Variants in KDM5B observed in about 807,000 individuals in gnomAD.
KDM5B encodes the protein lysine demethylase 5B.
In KDM5B, 144 loss-of-function variants were observed where a neutral mutation model predicts 193.4. That is an observed-to-expected ratio of 0.74 (90% CI 0.65 to 0.86). The LOEUF (loss-of-function observed/expected upper bound fraction) is 0.86. Among genes scored for constraint, KDM5B ranks in the 40% least tolerant of loss-of-function variants. KDM5B has a pLI of 0.00. For synonymous variants in KDM5B, 668 were observed against 682.6 expected (o/e 0.98, Z 0.33); for missense variants, 1,833 against 1,886.9 (o/e 0.97, Z 0.53).
At chr1:202,766,612 A>T (rs938024382) in intron 5 of KDM5B, 8 of 453,078 alleles carry the variant, frequency 1.8e-5, no homozygotes, top group Non-Finnish European at 2.8e-5. Context: ...TCTCCATTAA[A>T]CAACGCCAAT....
chr1:202,774,759 T>G, intron 2 of KDM5B, 24 bp from the exon 3 acceptor site: 1 of 1,608,614 alleles, frequency 6.2e-7, no homozygotes, highest in East Asian at 2.2e-5. Flanking sequence ...AATTGAGTTT[T>G]CATCTCATTT....
chr1:202,750,533 C>G (rs537980379), intron 13 of KDM5B, 126 bp downstream of exon 13: 1 of 972,952 alleles, frequency 1.0e-6, no homozygotes, highest in East Asian at 2.7e-5. Flanking sequence ...CCTTGGCTTC[C>G]GAAAGCGCTG....
At chr1:202,736,943 G>A (rs918378107) in intron 20 of KDM5B, among the ~76,000 whole-genome samples, 1 of 152,176 alleles carries the variant, frequency 6.6e-6, no homozygotes, top group Non-Finnish European at 1.5e-5. Flanking sequence ...TGGGCCTAGA[G>A]AACCTAGTTT....
Position 202,735,491 on chromosome 1 carries a change from T to C in KDM5B, c.3361A>G (p.Lys1121Glu). The change falls in exon 22 of 27, where the codon AAA becomes GAA. Residue 1121 changes from lysine to glutamate, a missense_variant. Transcript: ENST00000367265. Reference protein sequence around the residue: ...PLPNGKKKSTKLESLSDLERA... With the variant: ...PLPNGKKKSTELESLSDLERA... ...TCCAGGTCACTCAGACTCTCTAATT[T>C]GGTGCTTTTTTTCTTTCCATTTGGC... 1 of 1,614,176 alleles carries C rather than the reference T, an allele frequency of 6.2e-7. No individual in the cohort carries two copies. The highest frequency in any genetic ancestry group is 8.5e-7 in the Non-Finnish European group (1 of 1,180,012).
chr1:202,755,533 C>T (rs1229507835), intron 10 of KDM5B, 81 bp from the exon 11 acceptor site: 2 of 1,099,342 alleles, frequency 1.8e-6, no homozygotes, highest in Non-Finnish European at 2.6e-6. Context: ...AAATATTATC[C>T]TTCAAAATAA....
rs746047167 is a variant in KDM5B, at chr1:202,733,607, G to A, written c.3703C>T (p.Leu1235=). 8 of 1,614,054 alleles carry A rather than the reference G, an allele frequency of 5.0e-6. No homozygotes were observed. The African/African-American group carries it at 9.3e-5, about 19-fold the overall frequency. The change falls in exon 23 of 27, where the codon CTG becomes TTG. Residue 1235 remains leucine (L), a synonymous_variant. Coordinates refer to ENST00000367265, the MANE Select transcript of KDM5B (RefSeq NM_006618.5). The stretch of plus-strand genomic sequence containing the variant: ...CGGATACGCTGAAGGGAGGCGAGCA[G>A]GGGCAGAATTTTCTCTAATGGAGGT... The part of the protein sequence containing the change: ...EKPPLEKILP[L]LASLQRIRVR...
intron 20 of KDM5B, among the ~76,000 whole-genome samples, chr1:202,738,829 A>C (rs549763125): frequency 2.3e-4 from 35 of 152,364 alleles, no homozygotes; most frequent in African/African-American, 8.2e-4. Context: ...ATATTAAAGA[A>C]TGAATTCTTT....
At position 202,756,524 on chromosome 1, in the gene KDM5B, TACAAGGAATAGAAAAAATGAGTTTCCTC is replaced by T. The variant is rs1656018589; in HGVS notation, c.1198-36_1198-9del. 6.4e-7 allele frequency: 1 copy of T among 1,566,832 alleles called. No individual in the cohort carries two copies. Among genetic ancestry groups the T allele is most frequent in the Admixed American group, 1.9e-5 (1 of 51,364 alleles). On this transcript the variant is annotated splice_polypyrimidine_tract_variant and intron_variant, in intron 9 of 26. Transcript: ENST00000367265. ...AAGCTCTGTGGGGACCATCTGGAAA[TACAAGGAATAGAAAAAATGAGTTTCCTC>T]ACAAACTGTCTGTGACCAATTAAGC... is the stretch of plus-strand genomic sequence containing the variant.
At chr1:202,762,874 C>T in intron 6 of KDM5B, 66 bp from the exon 7 acceptor site, 1 of 819,512 alleles carries the variant, frequency 1.2e-6, no homozygotes, top group South Asian at 1.4e-5. Flanking sequence ...CATCTCCCTC[C>T]CAAAGCACAT....
At chr1:202,755,483 G>T in intron 10 of KDM5B, 31 bp from the exon 11 acceptor site, 4 of 1,541,776 alleles carry the variant, frequency 2.6e-6, no homozygotes, top group Non-Finnish European at 3.6e-6. Flanking sequence ...GAGGATAAAG[G>T]TTTAGCTATA....
intron 5 of KDM5B, 106 bp downstream of exon 5, chr1:202,766,820 G>T: frequency 1.6e-6 from 2 of 1,254,792 alleles, no homozygotes; most frequent in Non-Finnish European, 2.2e-6. Flanking sequence ...AGATTAACAA[G>T]GTTCAAAACT....
intron 1 of KDM5B, among the ~76,000 whole-genome samples, chr1:202,780,902 T>C (rs1464784137): frequency 6.6e-6 from 1 of 152,126 alleles, no homozygotes; most frequent in African/African-American, 2.4e-5. Flanking sequence ...AATAACATTG[T>C]GTTGAATTTT....
chr1:202,727,332 A>G lies in KDM5B; in HGVS notation c.*1704T>C, dbSNP rs1654709582. 1.3e-5 allele frequency: 2 copies of G among 152,358 alleles called. No homozygotes were observed. The highest frequency in any genetic ancestry group is 1.3e-4 in the Admixed American group (2 of 15,286). 9.4% of individuals were successfully genotyped at this position (152,358 alleles called of 1,614,324 possible). On this transcript the variant is annotated 3_prime_UTR_variant, in exon 27 of 27. Coordinates refer to ENST00000367265, the MANE Select transcript of KDM5B (RefSeq NM_006618.5). ...TGTACTCTGGAGACTATTCTTCTCT[A>G]TTGGCCCCAGAACCACCATCAGACG...
chr1:202,761,762 C>T (rs957789229), intron 7 of KDM5B, among the ~76,000 whole-genome samples: 2 of 152,176 alleles, frequency 1.3e-5, no homozygotes, highest in African/African-American at 4.8e-5. Flanking sequence ...TCAAATTTCC[C>T]AGCCTATACA....
chr1:202,769,697 TTA>T (rs1656632275), intron 4 of KDM5B, among the ~76,000 whole-genome samples: 1 of 118,892 alleles, frequency 8.4e-6, no homozygotes, highest in Non-Finnish European at 1.8e-5. Flanking sequence ...AAAAAAAAAA[TTA>T]TGAGACAAAT....
intron 22 of KDM5B, among the ~76,000 whole-genome samples, chr1:202,734,409 G>A (rs1655021585): frequency 6.6e-6 from 1 of 151,316 alleles, no homozygotes; most frequent in Non-Finnish European, 1.5e-5. Flanking sequence ...AATATGTGTG[G>A]GTTATATGAT....
chr1:202,753,009 C>T lies in KDM5B; in HGVS notation c.1597G>A (p.Val533Ile). Residue 533 changes from valine to isoleucine, a missense_variant, in exon 12 of 27, where the codon GTA becomes ATA. Physicochemically the swap from Val to Ile is conservative, Grantham distance 29. Transcript: ENST00000367265. ...AGTTCTGGAGCTAGTTTCTTCATTA[C>T]ATTTTCTAGCTGCTCAGCAGCATAC... Reference protein sequence around the residue: ...PGYAAEQLENVMKKLAPELFV... With the variant: ...PGYAAEQLENIMKKLAPELFV... The T allele has an allele frequency of 6.2e-7, 1 of 1,614,104 alleles. No individual in the cohort carries two copies. The highest frequency in any genetic ancestry group is 1.3e-5 in the African/African-American group (1 of 75,016).
chr1:202,750,843 C>G, intron 12 of KDM5B, 65 bp from the exon 13 acceptor site: 1 of 1,517,614 alleles, frequency 6.6e-7, no homozygotes, highest in Non-Finnish European at 9.0e-7. Context: ...TAAAGACAAT[C>G]TGGACACAGT....
chr1:202,731,013 C>T lies in KDM5B; in HGVS notation c.4072G>A (p.Val1358Ile). 2 of 1,613,772 alleles carry T rather than the reference C, an allele frequency of 1.2e-6. No homozygotes were observed. Among genetic ancestry groups the T allele is most frequent in the Non-Finnish European group, 1.7e-6 (2 of 1,179,768 alleles). The change falls in exon 25 of 27, where the codon GTA becomes ATA. Residue 1358 changes from valine to isoleucine, a missense_variant. Transcript: ENST00000367265. ...AGTTCCTGAATTTCAGGAAGGGATA[C>T]CTGGAGCAGCTGGGCTTCCATCAAT... is the stretch of plus-strand genomic sequence containing the variant. ...ELLMEAQLLQ[V>I]SLPEIQELYQ...
Sources: allele counts gnomAD v4.1 joint callset (sites outside exome capture counted in the v4.1 genomes callset), GRCh38; gene constraint gnomAD v4.1.1; transcripts MANE v1.5; gene names NCBI Gene and HGNC (gene_info 2026-07-23, HGNC 2026-07-21).